Variants in CPEB3 observed in about 807,000 individuals in gnomAD.
The protein encoded by CPEB3 is cytoplasmic polyadenylation element binding protein 3.
A neutral mutation model predicts 67.2 loss-of-function variants in CPEB3; 20 were observed. That is an observed-to-expected ratio of 0.30 (90% confidence interval 0.21 to 0.43). The LOEUF (loss-of-function observed/expected upper bound fraction) is 0.43, where lower values mean the gene tolerates loss of function less well. Among genes scored for constraint, CPEB3 ranks in the 20% least tolerant of loss-of-function variants. CPEB3 has a pLI of 1.00. For synonymous variants in CPEB3, 376 were observed against 393.1 expected (o/e 0.96, Z 0.51); for missense variants, 746 against 968.6 (o/e 0.77, Z 3.05).
intron 1 of CPEB3, among the ~76,000 whole-genome samples, chr10:92,275,893 G>A (rs34023897): frequency 0.059 from 8,255 of 138,824 alleles, 362 homozygotes; most frequent in Non-Finnish European, 0.089. Context: ...CTGTCACCCA[G>A]GCTGGGGTGC....
At chr10:92,124,496 G>A (rs1845525900) in intron 6 of CPEB3, among the ~76,000 whole-genome samples, 1 of 152,114 alleles carries the variant, frequency 6.6e-6, no homozygotes, top group Non-Finnish European at 1.5e-5. Context: ...CAGTTTCCAT[G>A]TTTTTACAAG....
At position 92,061,441 on chromosome 10, in the gene CPEB3, A is replaced by ACAAC. The variant is rs1413505323; in HGVS notation, c.1870-9003_1870-9002insGTTG. 1.1e-4 allele frequency among the ~76,000 whole-genome samples: 16 copies of ACAAC among 140,738 alleles called. 1 individual carries two copies. Among genetic ancestry groups the ACAAC allele is most frequent in the South Asian group, 4.5e-4 (2 of 4,472 alleles). 92.3% of individuals were successfully genotyped at this position (140,738 alleles called of 152,430 possible). A position where few individuals can be genotyped will look rare whatever the true frequency, so the allele number is the denominator to read the frequency against. Reference sequence around the variant, plus strand: ...TCTCAAAAAAAAAAAAAAAAAAAAAAAACATATGAATAGATAAAGCAAATG... The same window carrying ACAAC: ...TCTCAAAAAAAAAAAAAAAAAAAAAACAACAACATATGAATAGATAAAGCAAATG... On this transcript the variant is annotated intron_variant, in intron 9 of 9. Transcript: ENST00000265997.
chr10:92,110,384 C>A (rs1844676978), intron 7 of CPEB3, among the ~76,000 whole-genome samples: 1 of 152,206 alleles, frequency 6.6e-6, no homozygotes, highest in Non-Finnish European at 1.5e-5. Context: ...CTACTTCTGT[C>A]ACATAAATGA....
At chr10:92,068,689 T>C (rs1187651657) in intron 9 of CPEB3, among the ~76,000 whole-genome samples, 1 of 151,994 alleles carries the variant, frequency 6.6e-6, no homozygotes, top group Non-Finnish European at 1.5e-5. Context: ...TGATCACAAG[T>C]CCAAGGGAGG....
At chr10:92,240,403 T>A in intron 1 of CPEB3, 42 bp from the exon 2 acceptor site, 1 of 1,419,304 alleles carries the variant, frequency 7.0e-7, no homozygotes, top group Non-Finnish European at 9.2e-7. Flanking sequence ...GTCAATGTGA[T>A]CATGAATGTC....
intron 2 of CPEB3, among the ~76,000 whole-genome samples, chr10:92,214,457 C>T (rs765080332): frequency 2.3e-4 from 35 of 152,130 alleles, no homozygotes; most frequent in Non-Finnish European, 3.2e-4. Flanking sequence ...ATTTTTGTTA[C>T]AGCAACACAA....
chr10:92,146,616 T>C (rs1237007983), intron 4 of CPEB3, among the ~76,000 whole-genome samples: 1 of 152,204 alleles, frequency 6.6e-6, no homozygotes. Context: ...AATATAACTC[T>C]GGTTATTTTG....
intron 7 of CPEB3, among the ~76,000 whole-genome samples, chr10:92,098,782 T>C (rs906416987): frequency 1.4e-5 from 2 of 147,008 alleles, no homozygotes; most frequent in Admixed American, 6.8e-5. Context: ...TTTTTTTTTT[T>C]TTTTTTTGAG....
chr10:92,100,358 CT>C (rs1844117956), intron 7 of CPEB3, among the ~76,000 whole-genome samples: 1 of 151,674 alleles, frequency 6.6e-6, no homozygotes, highest in Non-Finnish European at 1.5e-5. Flanking sequence ...ACTGCAACCT[CT>C]GCCTCCCAGG....
chr10:92,133,900 C>CCAA (rs990348774), intron 6 of CPEB3, among the ~76,000 whole-genome samples: 1 of 152,024 alleles, frequency 6.6e-6, no homozygotes, highest in Non-Finnish European at 1.5e-5. Flanking sequence ...ATAAACAGAA[C>CCAA]CAACAACAAC....
chr10:92,128,295 G>A (rs855702), intron 6 of CPEB3, among the ~76,000 whole-genome samples: 104,220 of 152,112 alleles, frequency 0.69, 37,499 homozygotes, highest in African/African-American at 0.91. Context: ...CACACATACA[G>A]TATAGTAACA....
rs376891110 is a variant in CPEB3 at position 92,160,825 on chromosome 10, G to C, written c.1223-15740C>G. On this transcript the variant is annotated intron_variant, in intron 4 of 9. Coordinates refer to ENST00000265997, the MANE Select transcript of CPEB3 (RefSeq NM_014912.5). ...AAGTTAGTAGATCTAGACAGGCTTA[G>C]GGGTGGAGGGCAGCATGTTGAATTG... Among the ~76,000 whole-genome samples the C allele has an allele frequency of 7.9e-5, 12 of 152,334 alleles. No homozygotes were observed. In the South Asian group the frequency reaches 1.7e-3, roughly 21 times the overall value.
At chr10:92,083,856 CA>C (rs1222793610) in intron 8 of CPEB3, among the ~76,000 whole-genome samples, 2 of 152,026 alleles carry the variant, frequency 1.3e-5, no homozygotes, top group Non-Finnish European at 2.9e-5. Context: ...TTACTGTAAC[CA>C]CAGATTTTTC....
At chr10:92,250,946 G>A (rs1852275490) in intron 1 of CPEB3, among the ~76,000 whole-genome samples, 1 of 148,288 alleles carries the variant, frequency 6.7e-6, no homozygotes, top group Non-Finnish European at 1.5e-5. Context: ...GCCCAGGCTG[G>A]TCTTGAACTC....
intron 4 of CPEB3, among the ~76,000 whole-genome samples, chr10:92,167,012 G>T (rs566690721): frequency 1.1e-4 from 16 of 152,240 alleles, no homozygotes; most frequent in Middle Eastern, 6.8e-3. Context: ...TTATGGAGAC[G>T]GCTTTTTCCC....
At chr10:92,058,592 C>CATACATATAT (rs534976355) in intron 9 of CPEB3, among the ~76,000 whole-genome samples, 9 of 140,386 alleles carry the variant, frequency 6.4e-5, no homozygotes, top group African/African-American at 1.4e-4. Flanking sequence ...TACATACATA[C>CATACATATAT]ATATATATAT....
intron 4 of CPEB3, among the ~76,000 whole-genome samples, chr10:92,150,479 T>C (rs905757142): frequency 6.6e-6 from 1 of 152,194 alleles, no homozygotes; most frequent in Non-Finnish European, 1.5e-5. Context: ...CTTGAGCTAG[T>C]AGACAGTCAG....
intron 1 of CPEB3, among the ~76,000 whole-genome samples, chr10:92,259,375 G>A (rs906650892): frequency 2.0e-5 from 3 of 151,950 alleles, no homozygotes; most frequent in Admixed American, 2.0e-4. Flanking sequence ...GCCGAGGTGG[G>A]CAGATCACCT....
intron 6 of CPEB3, among the ~76,000 whole-genome samples, chr10:92,140,509 C>A (rs1403729121): frequency 2.0e-5 from 3 of 152,106 alleles, no homozygotes; most frequent in Non-Finnish European, 4.4e-5. Flanking sequence ...AAACATCAGA[C>A]CTAAAACCAT....
Sources: allele counts gnomAD v4.1 joint callset (sites outside exome capture counted in the v4.1 genomes callset), GRCh38; gene constraint gnomAD v4.1.1; transcripts MANE v1.5; gene names NCBI Gene and HGNC (gene_info 2026-07-23, HGNC 2026-07-21).